Variants in OVGP1 observed in about 807,000 individuals in gnomAD.
OVGP1 encodes oviductal glycoprotein 1, also known as oviduct-specific glycoprotein.
A neutral mutation model predicts 48.2 loss-of-function variants in OVGP1; 26 were observed. The observed-to-expected ratio is 0.54, with a 90% CI of 0.40 to 0.75. The LOEUF is 0.75. Ranked by LOEUF, OVGP1 falls within the 30% of genes least tolerant of loss-of-function variation. The pLI, the probability that OVGP1 is intolerant of heterozygous loss-of-function variation, is 0.00. For synonymous variants in OVGP1, 294 were observed against 305.7 expected (o/e 0.96, Z 0.40); for missense variants, 791 against 820.6 (o/e 0.96, Z 0.44).
chr1:111,423,112 G>T (rs1253776027), intron 5 of OVGP1, 61 bp from the exon 6 acceptor site: 3 of 1,604,008 alleles, frequency 1.9e-6, no homozygotes, highest in East Asian at 4.5e-5. Context: ...GGCCTGGGGG[G>T]AGTGTCATCT....
At chr1:111,427,631 AT>A (rs1652429422) in intron 1 of OVGP1, 65 bp downstream of exon 1, 2 of 1,577,442 alleles carry the variant, frequency 1.3e-6, no homozygotes, top group South Asian at 2.2e-5. Context: ...CACCAGAGAG[AT>A]GACGAACTCA....
chr1:111,421,494 T>C (rs1471340866), intron 7 of OVGP1, 33 bp from the exon 8 acceptor site: 3 of 1,609,056 alleles, frequency 1.9e-6, no homozygotes, highest in Non-Finnish European at 2.5e-6. Flanking sequence ...CTCCTCCTTG[T>C]TACTAAGAGC....
At chr1:111,415,682 C>T (rs546338065) in intron 10 of OVGP1, among the ~76,000 whole-genome samples, 1 of 152,230 alleles carries the variant, frequency 6.6e-6, no homozygotes, top group African/African-American at 2.4e-5. Flanking sequence ...AACCTTGCCT[C>T]GAGGCCTAAT....
Position 111,414,799 on chromosome 1 carries a change from C to A in OVGP1, c.1702G>T (p.Ala568Ser), listed in dbSNP as rs750126318. ...ACAGTCACCTTTTCACGGGCCACAG[C>A]CTTCCTTCTAGGGGCCACTGTATTC... ...RQNTVAPRRK[A>S]VAREKVTVPS... Residue 568 changes from alanine to serine, a missense_variant, in exon 11 of 11, where the codon GCT becomes TCT. Physicochemically the swap from Ala to Ser is moderately conservative, Grantham distance 99. Coordinates refer to ENST00000369732, the MANE Select transcript of OVGP1 (RefSeq NM_002557.4). 6.2e-6 allele frequency: 10 copies of A among 1,600,156 alleles called. No individual in the cohort carries two copies. Among genetic ancestry groups the A allele is most frequent in the Non-Finnish European group, 8.5e-6 (10 of 1,170,510 alleles).
chr1:111,425,560 A>C, intron 3 of OVGP1, 121 bp from the exon 4 acceptor site: 1 of 1,526,370 alleles, frequency 6.6e-7, no homozygotes, highest in Non-Finnish European at 8.8e-7. Context: ...GGAGGTAAGG[A>C]AAGGAAAAGG....
At chr1:111,419,555 C>T in intron 9 of OVGP1, 55 bp downstream of exon 9, 2 of 1,011,264 alleles carry the variant, frequency 2.0e-6, no homozygotes, top group Non-Finnish European at 1.6e-6. Flanking sequence ...AATAAGGACC[C>T]CATAGAAACC....
Position 111,419,741 on chromosome 1 carries a change from A to C in OVGP1, c.904-15T>G. On this transcript the variant is annotated splice_polypyrimidine_tract_variant and intron_variant, in intron 8 of 10. Coordinates refer to ENST00000369732, the MANE Select transcript of OVGP1 (RefSeq NM_002557.4). Reference sequence around the variant, plus strand: ...AAGGAACAAATCTGCCAAGAGGACCACCAGGTTAGTTCTGGGAAGTGCCAT... The same window carrying C: ...AAGGAACAAATCTGCCAAGAGGACCCCCAGGTTAGTTCTGGGAAGTGCCAT... 1 of 1,520,684 alleles carries C rather than the reference A, an allele frequency of 6.6e-7. No individual in the cohort carries two copies. 94.2% of individuals were successfully genotyped at this position (1,520,684 alleles called of 1,614,324 possible). A position where few individuals can be genotyped will look rare whatever the true frequency, so the allele number is the denominator to read the frequency against.
intron 3 of OVGP1, among the ~76,000 whole-genome samples, 154 bp downstream of exon 3, chr1:111,426,283 G>C (rs1011706082): frequency 6.6e-6 from 1 of 152,198 alleles, no homozygotes; most frequent in East Asian, 1.9e-4. Context: ...CTGTGACAAG[G>C]AGTTCTCAAG....
rs61741101 is a variant in OVGP1, at chr1:111,414,593, T to C, written c.1908A>G (p.Leu636=). 702 of 1,614,168 alleles carry C rather than the reference T, an allele frequency of 4.3e-4. 5 individuals carry two copies. The African/African-American group carries it at 8.2e-3, about 19-fold the overall frequency. Residue 636 remains leucine, a synonymous_variant, in exon 11 of 11, where the codon CTA becomes CTG. Transcript: ENST00000369732. ...PVIQLPEQTP[L]AFDNRFVPIY... is the part of the protein sequence containing the mutation. ...TGGGAACAAAGCGGTTGTCAAAAGC[T>C]AGAGGAGTTTGTTCCGGGAGCTGGA...
rs770093197 is a variant in OVGP1, at chr1:111,416,417, C to CA, written c.1061dup (p.Trp355ValfsTer7). ...TGACGTCATCCATGTCCAATGTCCA[C>CA]ACCATGGCCCCCCCAAAATGCTCTC... On this transcript the variant is annotated frameshift_variant, in exon 10 of 11. Transcript: ENST00000369732. LOFTEE classifies it high-confidence loss of function. The CA allele has an allele frequency of 2.5e-6, 4 of 1,606,812 alleles. No homozygotes were observed. In the African/African-American group the frequency reaches 5.3e-5, roughly 21 times the overall value.
In OVGP1 at chr1:111,423,714, G is replaced by A. The variant is rs767772309; in HGVS notation, c.318-6C>T. On this transcript the variant is annotated splice_polypyrimidine_tract_variant and splice_region_variant and intron_variant, in intron 4 of 10. Coordinates refer to ENST00000369732, the MANE Select transcript of OVGP1 (RefSeq NM_002557.4). The stretch of plus-strand genomic sequence containing the variant: ...TGGACAACATAGTGGTGAATCTGTA[G>A]GGAGACCAGGGGTAAGGCAAAGAAC... 1 of 1,613,222 alleles carries A rather than the reference G, an allele frequency of 6.2e-7. No individual in the cohort carries two copies. Among genetic ancestry groups the A allele is most frequent in the East Asian group, 2.2e-5 (1 of 44,878 alleles).
chr1:111,415,789 G>A (rs934289208), intron 10 of OVGP1, among the ~76,000 whole-genome samples: 1 of 152,178 alleles, frequency 6.6e-6, no homozygotes, highest in African/African-American at 2.4e-5. Flanking sequence ...GGAGGCTAGG[G>A]ACAGCATGCT....
In OVGP1 at chr1:111,427,050, C is replaced by G. The variant is rs1343133452; in HGVS notation, c.55+12G>C. ...CTCCCTGGCTCTGGAAGGGAAAACA[C>G]AGTTTCCTTACCATCGTGGTGTTTC... On this transcript the variant is annotated intron_variant, in intron 2 of 10. Coordinates refer to ENST00000369732, the MANE Select transcript of OVGP1 (RefSeq NM_002557.4). The G allele has an allele frequency of 1.2e-6, 2 of 1,614,010 alleles. No homozygotes were observed. Among genetic ancestry groups the G allele is most frequent in the Non-Finnish European group, 1.7e-6 (2 of 1,179,996 alleles).
rs923510206 is a variant in OVGP1 at position 111,426,716 on chromosome 1, G to A, written c.56-75C>T. ...GAGCTCAGCTTCCAGAAAGCAATGT[G>A]AACGCAGCCCAAGAGACCAGGCCAC... On this transcript the variant is annotated intron_variant, in intron 2 of 10. Transcript: ENST00000369732. 2.6e-6 allele frequency: 4 copies of A among 1,562,904 alleles called. No individual in the cohort carries two copies. The African/African-American group carries it at 5.4e-5, about 21-fold the overall frequency.
rs1652144429 is a variant in OVGP1 at position 111,416,634 on chromosome 1, GT to G, written c.1021-177del. 1.1e-5 allele frequency: 5 copies of G among 456,570 alleles called. No individual in the cohort carries two copies. The South Asian group carries it at 3.1e-4, about 28-fold the overall frequency. The allele number at this position is 456,570 out of a possible 1,614,324, so 28.3% of individuals were successfully genotyped here. ...AGCTATGGGATCCTGAAGAAGTTAT[GT>G]AACCCTTATGTGTCTTAACTGCCTC... On this transcript the variant is annotated intron_variant, in intron 9 of 10. Coordinates refer to ENST00000369732, the MANE Select transcript of OVGP1 (RefSeq NM_002557.4).
intron 9 of OVGP1, among the ~76,000 whole-genome samples, chr1:111,418,080 G>A (rs982268359): frequency 2.0e-5 from 3 of 152,204 alleles, no homozygotes; most frequent in Admixed American, 6.5e-5. Flanking sequence ...GGAACTCTGA[G>A]AAATCCAGGG....
intron 9 of OVGP1, 33 bp downstream of exon 9, chr1:111,419,577 A>C: frequency 1.6e-6 from 2 of 1,258,880 alleles, no homozygotes; most frequent in Non-Finnish European, 2.3e-6. Flanking sequence ...GTAGGAAACC[A>C]TGTGCTGGAG....
At chr1:111,427,500 G>A (rs1472262444) in intron 1 of OVGP1, 197 bp downstream of exon 1, 1 of 564,598 alleles carries the variant, frequency 1.8e-6, no homozygotes, top group African/African-American at 2.0e-5. Flanking sequence ...GGGCCACCAG[G>A]TTTGAGAACC....
rs369840124 is a variant in OVGP1 at position 111,421,306 on chromosome 1, G to T, written c.873C>A (p.Thr291=). The change falls in exon 8 of 11, where the codon ACC becomes ACA. Residue 291 remains threonine (T), a synonymous_variant. Coordinates refer to ENST00000369732, the MANE Select transcript of OVGP1 (RefSeq NM_002557.4). The part of the protein sequence containing the change: ...AIGPASPGKY[T]KQEGFLAYFE... ...AATAAGCCAAGAAGCCTTCTTGCTT[G>T]GTGTACTTCCCTGGAGATGCTGGTC... 1.9e-6 allele frequency: 3 copies of T among 1,610,534 alleles called. No individual in the cohort carries two copies. The highest frequency in any genetic ancestry group is 8.5e-7 in the Non-Finnish European group (1 of 1,178,854).
Sources: gnomAD v4.1 joint callset for allele counts (sites outside exome capture counted in the v4.1 genomes callset) on GRCh38, gnomAD v4.1.1 for gene constraint, MANE v1.5 for transcripts, NCBI Gene and HGNC (gene_info 2026-07-23, HGNC 2026-07-21) for gene names.